The following N4BP2L1 variants were observed in gnomAD, a reference collection of about 807,000 sequenced individuals.
The protein encoded by N4BP2L1 is NEDD4-binding protein 2-like 1.
N4BP2L1 carries 12 observed loss-of-function variants against 21.2 expected under a neutral mutation model. The ratio of observed to expected loss-of-function variants is 0.57; its 90% CI spans 0.36 to 0.92. The LOEUF (loss-of-function observed/expected upper bound fraction) is 0.92, where lower values mean the gene tolerates loss of function less well. N4BP2L1 is among the 40% of genes least tolerant of loss of function. N4BP2L1 has a pLI of 0.01. For synonymous variants in N4BP2L1, 104 were observed against 112.8 expected (o/e 0.92, Z 0.49); for missense variants, 259 against 310.6 (o/e 0.83, Z 1.25).
rs775533753 is a variant in N4BP2L1 at position 32,427,991 on chromosome 13, C to A, written c.92G>T (p.Arg31Leu). 3 of 1,556,586 alleles carry A rather than the reference C, an allele frequency of 1.9e-6. No homozygotes were observed. Among genetic ancestry groups the A allele is most frequent in the Admixed American group, 2.0e-5 (1 of 50,144 alleles). ...QRQRPPRPPP[R>L]GTPPRRHSFR... ...GCTGTGGCGGCGAGGAGGTGTCCCC[C>A]GCGGGGGCGGCCGGGGCGGCCGCTG... Residue 31 changes from arginine (R) to leucine (L), a missense_variant, in exon 1 of 5, where the codon CGG (arginine) becomes CTG (leucine). Coordinates refer to ENST00000380130, the MANE Select transcript of N4BP2L1 (RefSeq NM_052818.3).
In N4BP2L1 at chr13:32,403,142, G is replaced by C; in HGVS notation, c.532C>G (p.His178Asp). The change falls in exon 5 of 5, where the codon CAC becomes GAC. Residue 178 changes from histidine to aspartate, a missense_variant. His to Asp is a moderately conservative substitution (Grantham distance 81). This residue lies in a region of N4BP2L1 where 108 missense variants were observed against 107.8 expected (regional missense o/e 1.00). Transcript: ENST00000380130. The stretch of plus-strand genomic sequence containing the variant: ...AGCACACTGTGAAAAGTAACATCGT[G>C]TTCATACCGTTCTTTCATTCGGTGG... ...KIHRMKERYE[H>D]DVTFHSVLHA... The C allele has an allele frequency of 6.2e-7, 1 of 1,612,064 alleles. No homozygotes were observed. Among genetic ancestry groups the C allele is most frequent in the Non-Finnish European group, 8.5e-7 (1 of 1,179,240 alleles).
intron 1 of N4BP2L1, chr13:32,411,486 A>G: frequency 1.0e-6 from 1 of 981,276 alleles, no homozygotes. Flanking sequence ...GATTAAATAG[A>G]CAATCTTGAG....
intron 3 of N4BP2L1, chr13:32,406,403 T>C (rs1010827907): frequency 1.3e-5 from 2 of 152,192 alleles, no homozygotes; most frequent in Admixed American, 6.5e-5. Context: ...GTTGTTTTTA[T>C]TTATATTTGC....
chr13:32,415,800 T>C (rs1327552705), intron 1 of N4BP2L1, among the ~76,000 whole-genome samples: 1 of 152,222 alleles, frequency 6.6e-6, no homozygotes, highest in Non-Finnish European at 1.5e-5. Flanking sequence ...ATGAACATTT[T>C]CTCATACTTG....
intron 1 of N4BP2L1, among the ~76,000 whole-genome samples, chr13:32,414,774 A>G (rs930593199): frequency 3.9e-5 from 6 of 152,216 alleles, no homozygotes; most frequent in African/African-American, 1.2e-4. Context: ...CTAGGGCTTC[A>G]AGAGCTTAAA....
At chr13:32,422,831 A>G (rs1225698505) in intron 1 of N4BP2L1, among the ~76,000 whole-genome samples, 3 of 152,096 alleles carry the variant, frequency 2.0e-5, no homozygotes, top group Non-Finnish European at 4.4e-5. Context: ...AAAATTGTGA[A>G]AAATACAAAA....
chr13:32,407,285 G>A lies in N4BP2L1; in HGVS notation c.361C>T (p.Leu121Phe), dbSNP rs758142013. 1 of 1,614,162 alleles carries A rather than the reference G, an allele frequency of 6.2e-7. No homozygotes were observed. The highest frequency in any genetic ancestry group is 1.1e-5 in the South Asian group (1 of 91,078). ...ISPIIIDNTN[L>F]HAWEMKPYAV... The stretch of plus-strand genomic sequence containing the variant: ...TAGGGCTTCATTTCCCAGGCGTGGA[G>A]GTTGGTATTATCAATAATAATGGGG... Residue 121 changes from leucine (L) to phenylalanine (F), a missense_variant, in exon 3 of 5, where the codon CTC (leucine) becomes TTC (phenylalanine). Transcript: ENST00000380130.
chr13:32,408,945 T>G (rs1004656903), intron 1 of N4BP2L1, among the ~76,000 whole-genome samples: 11 of 152,160 alleles, frequency 7.2e-5, no homozygotes, highest in Non-Finnish European at 1.6e-4. Context: ...TTCTCAACTG[T>G]AAAACACAGA....
chr13:32,414,349 T>C (rs1486644569), intron 1 of N4BP2L1, among the ~76,000 whole-genome samples: 1 of 152,242 alleles, frequency 6.6e-6, no homozygotes, highest in Non-Finnish European at 1.5e-5. Context: ...ATTTAGTTTG[T>C]CCCTACTTCT....
chr13:32,411,487 C>A lies in N4BP2L1; in HGVS notation c.180-3715G>T, dbSNP rs1034031361. On this transcript the variant is annotated intron_variant, in intron 1 of 4. Coordinates refer to ENST00000380130, the MANE Select transcript of N4BP2L1 (RefSeq NM_052818.3). ...CTAAATAAAGAACTGATTAAATAGACAATCTTGAGATTCTCAAACTTAAGT... is the reference window on the plus strand; with the variant it reads ...CTAAATAAAGAACTGATTAAATAGAAAATCTTGAGATTCTCAAACTTAAGT... The A allele has an allele frequency of 5.1e-6, 5 of 981,600 alleles. No homozygotes were observed. The African/African-American group carries it at 8.8e-5, about 17-fold the overall frequency. 60.8% of individuals were successfully genotyped at this position (981,600 alleles called of 1,614,324 possible).
At chr13:32,403,326 T>A in intron 4 of N4BP2L1, 126 bp from the exon 5 acceptor site, 1 of 964,816 alleles carries the variant, frequency 1.0e-6, no homozygotes, top group Non-Finnish European at 1.5e-6. Context: ...GGCAAAAGCA[T>A]AACAAACATC....
chr13:32,411,452 ACT>A (rs1482453328), intron 1 of N4BP2L1: 5 of 904,096 alleles, frequency 5.5e-6, no homozygotes, highest in African/African-American at 1.8e-5. Flanking sequence ...GACAATAAAA[ACT>A]CTACTAGCTA....
intron 1 of N4BP2L1, among the ~76,000 whole-genome samples, chr13:32,410,735 A>G (rs1413661528): frequency 6.6e-6 from 1 of 152,208 alleles, no homozygotes; most frequent in Non-Finnish European, 1.5e-5. Flanking sequence ...CATCAATATT[A>G]TTTAAATAAT....
intron 2 of N4BP2L1, 22 bp from the exon 3 acceptor site, chr13:32,407,360 C>G: frequency 6.2e-7 from 1 of 1,614,074 alleles, no homozygotes; most frequent in Non-Finnish European, 8.5e-7. Context: ...TGTTACATAA[C>G]AGTGAACAAC....
At chr13:32,412,642 A>C (rs627962) in intron 1 of N4BP2L1, among the ~76,000 whole-genome samples, 45,888 of 135,910 alleles carry the variant, frequency 0.34, 6,789 homozygotes, top group South Asian at 0.39. Context: ...CAACTGTCTC[A>C]AAAAAAAAAA....
At chr13:32,411,649 A>T (rs1338546776) in intron 1 of N4BP2L1, 1 of 985,138 alleles carries the variant, frequency 1.0e-6, no homozygotes, top group African/African-American at 1.7e-5. Context: ...TAGAAAGATA[A>T]TTAATTCCAT....
intron 1 of N4BP2L1, among the ~76,000 whole-genome samples, chr13:32,417,263 T>A (rs565677368): frequency 6.6e-6 from 1 of 152,208 alleles, no homozygotes; most frequent in Admixed American, 6.5e-5. Context: ...TAATTGTAGT[T>A]CCCATAATCC....
chr13:32,409,668 G>A (rs771529843), intron 1 of N4BP2L1, among the ~76,000 whole-genome samples: 2 of 152,198 alleles, frequency 1.3e-5, no homozygotes, highest in African/African-American at 2.4e-5. Context: ...AAAGCGCTGA[G>A]AGAAAGGGTC....
chr13:32,411,045 A>G (rs1172161240), intron 1 of N4BP2L1, among the ~76,000 whole-genome samples: 2 of 152,132 alleles, frequency 1.3e-5, no homozygotes, highest in Non-Finnish European at 2.9e-5. Context: ...ACTTTATAAT[A>G]TTTCCTTTAA....
Sources: gnomAD v4.1 joint callset for allele counts (sites outside exome capture counted in the v4.1 genomes callset) on GRCh38, gnomAD v4.1.1 for gene constraint, gnomAD v4.1.1 regional missense constraint, MANE v1.5 for transcripts, NCBI Gene and HGNC (gene_info 2026-07-23, HGNC 2026-07-21) for gene names.